HPSE2: variants seen among roughly 807,000 people sequenced by gnomAD.
HPSE2 encodes the protein heparanase 2 (inactive), also known as inactive heparanase-2.
Under a neutral mutation model 60.5 loss-of-function variants are expected in HPSE2, and 38 were observed. The ratio of observed to expected loss-of-function variants is 0.63; its 90% CI spans 0.48 to 0.82. The LOEUF (loss-of-function observed/expected upper bound fraction) is 0.82, where lower values mean the gene tolerates loss of function less well. Ranked by LOEUF, HPSE2 falls within the 40% of genes least tolerant of loss-of-function variation. The pLI is 0.00. For missense variants in HPSE2, 713 were observed against 740.4 expected (o/e 0.96, Z 0.43); for synonymous variants, 295 against 293.2 (o/e 1.01, Z -0.06).
In HPSE2 at chr10:98,472,136, C is replaced by T. The variant is rs528534841; in HGVS notation, c.1613+10500G>A. Among the ~76,000 whole-genome samples the T allele has an allele frequency of 7.2e-5, 11 of 152,050 alleles. No homozygotes were observed. The East Asian group carries it at 2.1e-3, about 29-fold the overall frequency. ...GGCTCATTTCTCTACATATTTACTT[C>T]TCTTTCTTTTTTTCTATATACTGCC... On this transcript the variant is annotated intron_variant, in intron 11 of 11. Coordinates refer to ENST00000370552, the MANE Select transcript of HPSE2 (RefSeq NM_021828.5).
intron 3 of HPSE2, among the ~76,000 whole-genome samples, chr10:99,048,562 A>T (rs1238539131): frequency 6.6e-6 from 1 of 152,192 alleles, no homozygotes; most frequent in Non-Finnish European, 1.5e-5. Context: ...GGCTATTTTT[A>T]AAAAGTCAAA....
intron 3 of HPSE2, among the ~76,000 whole-genome samples, chr10:98,918,918 T>G (rs1954203689): frequency 6.6e-6 from 1 of 152,106 alleles, no homozygotes; most frequent in Non-Finnish European, 1.5e-5. Context: ...TGTAACTCAA[T>G]TTTGGCATAG....
intron 9 of HPSE2, among the ~76,000 whole-genome samples, chr10:98,569,501 C>T (rs917834425): frequency 1.3e-5 from 2 of 152,018 alleles, no homozygotes; most frequent in African/African-American, 4.8e-5. Flanking sequence ...TACCATATAG[C>T]ATTTTGAATC....
chr10:98,469,035 A>G (rs562329081), intron 11 of HPSE2, among the ~76,000 whole-genome samples: 1 of 152,256 alleles, frequency 6.6e-6, no homozygotes, highest in East Asian at 1.9e-4. Context: ...TTTTGTAGGC[A>G]AGTTGTTAGG....
the HPSE2 span, among the ~76,000 whole-genome samples, chr10:99,250,684 AATCAAT>A: frequency 6.6e-6 from 1 of 152,214 alleles, no homozygotes; most frequent in Non-Finnish European, 1.5e-5. Flanking sequence ...TAAAAATAGA[AATCAAT>A]ACCAAGAAGA....
chr10:98,717,365 T>C (rs1371035359), intron 5 of HPSE2, among the ~76,000 whole-genome samples: 1 of 152,124 alleles, frequency 6.6e-6, no homozygotes, highest in African/African-American at 2.4e-5. Context: ...TCAAGAACTT[T>C]ACCTTTACAT....
At chr10:98,708,658 C>T (rs980293904) in intron 5 of HPSE2, among the ~76,000 whole-genome samples, 1 of 152,062 alleles carries the variant, frequency 6.6e-6, no homozygotes, top group African/African-American at 2.4e-5. Flanking sequence ...ATGAGATCAA[C>T]TTCAACCATA....
chr10:98,770,267 A>C (rs754319570), intron 3 of HPSE2, among the ~76,000 whole-genome samples: 1 of 152,234 alleles, frequency 6.6e-6, no homozygotes, highest in Non-Finnish European at 1.5e-5. Flanking sequence ...ATTCTGAATA[A>C]GGAATTATAA....
chr10:98,912,438 C>T (rs1954005380), intron 3 of HPSE2, among the ~76,000 whole-genome samples: 1 of 152,160 alleles, frequency 6.6e-6, no homozygotes, highest in African/African-American at 2.4e-5. Context: ...AATCCCACTG[C>T]TGGGCATATA....
intron 6 of HPSE2, among the ~76,000 whole-genome samples, chr10:98,685,034 T>C (rs1378614739): frequency 2.0e-5 from 3 of 152,170 alleles, no homozygotes; most frequent in African/African-American, 4.8e-5. Flanking sequence ...AATTTCAAAG[T>C]GGGAAGAATT....
chr10:98,665,387 C>T (rs1458884999), intron 6 of HPSE2, among the ~76,000 whole-genome samples: 1 of 152,176 alleles, frequency 6.6e-6, no homozygotes, highest in Non-Finnish European at 1.5e-5. Flanking sequence ...ATGAAAATTT[C>T]CCCAATCTCT....
intron 3 of HPSE2, among the ~76,000 whole-genome samples, chr10:98,749,455 A>T (rs1949703659): frequency 6.6e-6 from 1 of 151,496 alleles, no homozygotes; most frequent in African/African-American, 2.4e-5. Context: ...ACATATATGC[A>T]TGCATATATA....
intron 3 of HPSE2, among the ~76,000 whole-genome samples, chr10:99,011,692 G>A (rs1430413584): frequency 7.0e-6 from 1 of 142,126 alleles, no homozygotes; most frequent in East Asian, 2.2e-4. Context: ...AGAGGCAGGG[G>A]TTGCAGTGAG....
chr10:98,966,616 G>A (rs1955820627), intron 3 of HPSE2, among the ~76,000 whole-genome samples: 1 of 152,062 alleles, frequency 6.6e-6, no homozygotes, highest in Non-Finnish European at 1.5e-5. Flanking sequence ...ACCAACTAAT[G>A]GCCACACCTC....
intron 2 of HPSE2, among the ~76,000 whole-genome samples, chr10:99,151,596 C>G (rs538162500): frequency 6.6e-6 from 1 of 152,156 alleles, no homozygotes; most frequent in African/African-American, 2.4e-5. Context: ...AAAAGAAAAT[C>G]TTAAAAGCAC....
chr10:98,535,347 A>C (rs1045765088), intron 9 of HPSE2, among the ~76,000 whole-genome samples: 4 of 151,870 alleles, frequency 2.6e-5, no homozygotes, highest in Non-Finnish European at 5.9e-5. Context: ...TTCTCTTCCT[A>C]CCAATTCCTG....
intron 3 of HPSE2, among the ~76,000 whole-genome samples, chr10:99,073,260 T>C (rs1842855857): frequency 6.6e-6 from 1 of 152,010 alleles, no homozygotes; most frequent in African/African-American, 2.4e-5. Context: ...ACAAAGAAAA[T>C]GTGGTAGAGA....
chr10:98,641,363 G>A (rs560456610), intron 7 of HPSE2, among the ~76,000 whole-genome samples: 17 of 152,254 alleles, frequency 1.1e-4, no homozygotes, highest in African/African-American at 3.9e-4. Context: ...GAGGTGGGTG[G>A]ATCACTCGAG....
chr10:98,755,813 T>A (rs1949865526), intron 3 of HPSE2, among the ~76,000 whole-genome samples: 1 of 152,010 alleles, frequency 6.6e-6, no homozygotes, highest in Non-Finnish European at 1.5e-5. Flanking sequence ...CTGGCCAACA[T>A]GGTGAAACCC....
Sources: allele counts gnomAD v4.1 joint callset (sites outside exome capture counted in the v4.1 genomes callset), GRCh38; gene constraint gnomAD v4.1.1; transcripts MANE v1.5; gene names NCBI Gene and HGNC (gene_info 2026-07-23, HGNC 2026-07-21).